Variants in DNM3 observed in about 807,000 individuals in gnomAD.
DNM3 encodes the protein dynamin 3, also known as dynamin-3.
DNM3 carries 47 observed loss-of-function variants against 101.6 expected under a neutral mutation model. That is an observed-to-expected ratio of 0.46 (90% confidence interval 0.37 to 0.59). The LOEUF is 0.59. Ranked by LOEUF, DNM3 falls within the 20% of genes least tolerant of loss-of-function variation. The probability of loss-of-function intolerance (pLI) is 0.00; values close to 1 mark genes in which losing one functional copy is unlikely to be tolerated. For synonymous variants in DNM3, 385 were observed against 387.9 expected (o/e 0.99, Z 0.09); for missense variants, 849 against 1,085.7 (o/e 0.78, Z 3.06).
At chr1:171,922,003 A>AG (rs909379424) in intron 2 of DNM3, among the ~76,000 whole-genome samples, 182 bp downstream of exon 2, 2 of 152,188 alleles carry the variant, frequency 1.3e-5, no homozygotes, top group East Asian at 1.9e-4. Flanking sequence ...ATTACATTAA[A>AG]GGGGATATTT....
chr1:172,077,978 G>A (rs2052804077), intron 11 of DNM3, among the ~76,000 whole-genome samples: 1 of 152,160 alleles, frequency 6.6e-6, no homozygotes, highest in Non-Finnish European at 1.5e-5. Context: ...ATGAATCTGG[G>A]TGCTCCTGTA....
intron 1 of DNM3, among the ~76,000 whole-genome samples, chr1:171,911,273 C>CTTTTTTTT (rs151321245): frequency 1.4e-3 from 127 of 90,758 alleles, no homozygotes; most frequent in Middle Eastern, 8.3e-3. Flanking sequence ...ACCCCAACAT[C>CTTTTTTTT]TTTTTTTTTT....
intron 14 of DNM3, among the ~76,000 whole-genome samples, chr1:172,151,922 C>T (rs1032056095): frequency 1.3e-5 from 2 of 152,140 alleles, no homozygotes; most frequent in African/African-American, 4.8e-5. Context: ...TCCACTCAGG[C>T]TGGAGTGCAG....
At chr1:172,240,347 G>T (rs1334487423) in intron 14 of DNM3, among the ~76,000 whole-genome samples, 2 of 152,110 alleles carry the variant, frequency 1.3e-5, no homozygotes, top group Non-Finnish European at 1.5e-5. Context: ...AGAGAGAGGG[G>T]AACATTCAGC....
intron 14 of DNM3, chr1:172,138,778 T>TAAAAA: frequency 5.1e-6 from 2 of 391,890 alleles, no homozygotes; most frequent in South Asian, 2.0e-5. Context: ...CTGCTTTCTT[T>TAAAAA]CAATGGCTGG....
In DNM3 at chr1:172,390,006, C is replaced by T. The variant is rs551019374; in HGVS notation, c.2522+1197C>T. 7.9e-5 allele frequency among the ~76,000 whole-genome samples: 12 copies of T among 152,266 alleles called. No individual in the cohort carries two copies. In the South Asian group the frequency reaches 2.1e-3, roughly 26 times the overall value. ...ACAGGGAGAACTCAATAAGGTTGTT[C>T]CCCAGATCATATGACATGAGGTATT... is the stretch of plus-strand genomic sequence containing the variant. On this transcript the variant is annotated intron_variant, in intron 20 of 20. Transcript: ENST00000627582.
At chr1:172,042,168 T>C (rs775194904) in intron 8 of DNM3, 24 bp downstream of exon 8, 2 of 1,573,074 alleles carry the variant, frequency 1.3e-6, no homozygotes, top group Non-Finnish European at 1.7e-6. Flanking sequence ...GTTATTTTTT[T>C]CTTAGTTTCA....
Position 171,930,839 on chromosome 1 carries a change from T to C in DNM3, c.235+9018T>C, listed in dbSNP as rs574975389. Among the ~76,000 whole-genome samples the C allele has an allele frequency of 1.2e-4, 18 of 152,354 alleles. No homozygotes were observed. The South Asian group carries it at 3.1e-3, about 26-fold the overall frequency. ...GAGAGCCACACATGCTAGCTGATTC[T>C]AGTCGGCCATCTTGGCCACCTCTCA... On this transcript the variant is annotated intron_variant, in intron 2 of 20. Coordinates refer to ENST00000627582, the MANE Select transcript of DNM3 (RefSeq NM_015569.5).
chr1:172,140,111 A>G (rs1315732360), intron 14 of DNM3: 2 of 152,074 alleles, frequency 1.3e-5, no homozygotes, highest in Non-Finnish European at 2.9e-5. Flanking sequence ...AAATTCTGAG[A>G]AAATAGCAAA....
chr1:171,854,968 AT>A (rs1156308202), intron 1 of DNM3, among the ~76,000 whole-genome samples: 2 of 151,958 alleles, frequency 1.3e-5, no homozygotes, highest in Non-Finnish European at 1.5e-5. Flanking sequence ...TGTACAGATT[AT>A]TTCTTCACCC....
intron 9 of DNM3, among the ~76,000 whole-genome samples, chr1:172,045,535 C>G (rs1313515084): frequency 6.6e-6 from 1 of 152,142 alleles, no homozygotes; most frequent in Non-Finnish European, 1.5e-5. Context: ...CTACCTCCTA[C>G]TACCATCACA....
intron 2 of DNM3, among the ~76,000 whole-genome samples, chr1:171,933,773 A>T (rs2041210855): frequency 6.6e-6 from 1 of 152,200 alleles, no homozygotes; most frequent in South Asian, 2.1e-4. Flanking sequence ...GACTGTAAGT[A>T]AAATAAAGGA....
At chr1:172,379,340 G>A (rs2068770162) in intron 18 of DNM3, among the ~76,000 whole-genome samples, 158 bp downstream of exon 18, 1 of 152,020 alleles carries the variant, frequency 6.6e-6, no homozygotes, top group Non-Finnish European at 1.5e-5. Flanking sequence ...ACTGACCAGT[G>A]AAAGAGAACT....
At chr1:172,362,941 G>A (rs2067819881) in intron 17 of DNM3, among the ~76,000 whole-genome samples, 1 of 151,784 alleles carries the variant, frequency 6.6e-6, no homozygotes, top group Non-Finnish European at 1.5e-5. Flanking sequence ...AGTAGCCTGG[G>A]ATGATGCATG....
intron 10 of DNM3, among the ~76,000 whole-genome samples, chr1:172,056,804 AAC>A (rs920195676): frequency 2.0e-5 from 3 of 152,252 alleles, no homozygotes; most frequent in African/African-American, 7.2e-5. Flanking sequence ...CCTCCAAAGG[AAC>A]ACAGTTCCTC....
chr1:172,391,871 G>C (rs76167579), intron 20 of DNM3, among the ~76,000 whole-genome samples: 10,122 of 152,248 alleles, frequency 0.066, 396 homozygotes, highest in South Asian at 0.14. Context: ...TTAGAGACAA[G>C]AGATTCTGCC....
At chr1:171,915,552 G>A (rs997933434) in intron 1 of DNM3, among the ~76,000 whole-genome samples, 2 of 152,302 alleles carry the variant, frequency 1.3e-5, no homozygotes, top group African/African-American at 2.4e-5. Flanking sequence ...TAGGCTTGGC[G>A]GACATTTATG....
chr1:172,328,549 A>G (rs1250523059), intron 17 of DNM3, among the ~76,000 whole-genome samples: 3 of 152,144 alleles, frequency 2.0e-5, no homozygotes, highest in Admixed American at 6.5e-5. Flanking sequence ...CCAAATACCA[A>G]ATACCACAGG....
At chr1:171,868,647 C>T (rs1444189959) in intron 1 of DNM3, among the ~76,000 whole-genome samples, 1 of 152,190 alleles carries the variant, frequency 6.6e-6, no homozygotes, top group Non-Finnish European at 1.5e-5. Flanking sequence ...TTAGTACCTT[C>T]TGGCAACTCT....
Sources: gnomAD v4.1 joint callset for allele counts (sites outside exome capture counted in the v4.1 genomes callset) on GRCh38, gnomAD v4.1.1 for gene constraint, MANE v1.5 for transcripts, NCBI Gene and HGNC (gene_info 2026-07-23, HGNC 2026-07-21) for gene names.